Variants in HDAC9 observed in about 807,000 individuals in gnomAD.
HDAC9 encodes the protein MEF-2 interacting transcription repressor (MITR) protein.
A neutral mutation model predicts 139.4 loss-of-function variants in HDAC9; 41 were observed. That is an observed-to-expected ratio of 0.29 (90% CI 0.23 to 0.38). HDAC9 has a LOEUF of 0.38. Ranked by LOEUF, HDAC9 falls within the 10% of genes least tolerant of loss-of-function variation. HDAC9 has a pLI of 1.00. For synonymous variants in HDAC9, 517 were observed against 476.2 expected, an observed-to-expected ratio of 1.09 and a Z score of -1.12; for missense variants, 1,147 against 1,297.0, an observed-to-expected ratio of 0.88 and a Z score of 1.78.
At position 18,843,418 on chromosome 7, in the gene HDAC9, C is replaced by A. The variant is rs193065137; in HGVS notation, c.2684+7421C>A. Among the ~76,000 whole-genome samples, 417 of 152,028 alleles carry A rather than the reference C, an allele frequency of 2.7e-3. 3 individuals carry two copies. Among genetic ancestry groups the A allele is most frequent in the African/African-American group, 9.7e-3 (401 of 41,490 alleles). ...TACGTCAATTCATTGACTTAAATAA[C>A]CTAATCTAGTAATAGTGGAATTGTC... On this transcript the variant is annotated intron_variant, in intron 21 of 25. Transcript: ENST00000686413.
chr7:18,656,628 A>AT (rs1562781276), intron 11 of HDAC9, among the ~76,000 whole-genome samples: 1 of 152,156 alleles, frequency 6.6e-6, no homozygotes, highest in Non-Finnish European at 1.5e-5. Context: ...TACAGTGAGG[A>AT]TTACATGAGA....
intron 1 of HDAC9, among the ~76,000 whole-genome samples, chr7:18,393,867 G>A (rs1417390668): frequency 2.6e-5 from 4 of 152,170 alleles, no homozygotes; most frequent in South Asian, 2.1e-4. Context: ...AGCCACGCAC[G>A]GAACAATGGG....
chr7:18,567,329 A>G (rs1822695315), intron 2 of HDAC9, among the ~76,000 whole-genome samples: 1 of 152,308 alleles, frequency 6.6e-6, no homozygotes, highest in South Asian at 2.1e-4. Context: ...CCCCTATACA[A>G]GAGCATTTAC....
intron 2 of HDAC9, among the ~76,000 whole-genome samples, chr7:18,205,243 C>G (rs1213049411): frequency 6.6e-6 from 1 of 151,734 alleles, no homozygotes; most frequent in Non-Finnish European, 1.5e-5. Context: ...AGATATTTTA[C>G]TGGGCTTTAT....
chr7:18,133,363 T>G (rs1004761026), intron 1 of HDAC9, among the ~76,000 whole-genome samples: 3 of 152,178 alleles, frequency 2.0e-5, no homozygotes, highest in African/African-American at 7.2e-5. Flanking sequence ...ACTGAGCATT[T>G]AGTTAAGCAG....
chr7:18,435,889 G>GTA (rs925946870), intron 1 of HDAC9, among the ~76,000 whole-genome samples: 16 of 148,322 alleles, frequency 1.1e-4, no homozygotes, highest in Admixed American at 2.7e-4. Flanking sequence ...ATATATATGT[G>GTA]TATATATATA....
chr7:18,335,159 C>T (rs779400805), intron 1 of HDAC9, among the ~76,000 whole-genome samples: 1 of 151,378 alleles, frequency 6.6e-6, no homozygotes, highest in African/African-American at 2.4e-5. Flanking sequence ...CACCTGCCCA[C>T]CATCTTTCAG....
chr7:18,452,098 G>A (rs1344348423), intron 1 of HDAC9, among the ~76,000 whole-genome samples: 1 of 152,140 alleles, frequency 6.6e-6, no homozygotes, highest in Non-Finnish European at 1.5e-5. Context: ...GCAGCCTTGA[G>A]ATGCTAGCCA....
intron 24 of HDAC9, among the ~76,000 whole-genome samples, chr7:18,968,717 T>C (rs1368925862): frequency 6.6e-6 from 1 of 152,036 alleles, no homozygotes; most frequent in African/African-American, 2.4e-5. Context: ...CCCAGCACTT[T>C]GGGAGGCCGA....
At chr7:18,778,319 A>C (rs1300448209) in intron 16 of HDAC9, among the ~76,000 whole-genome samples, 1 of 151,998 alleles carries the variant, frequency 6.6e-6, no homozygotes, top group Non-Finnish European at 1.5e-5. Flanking sequence ...ACAGCTATAC[A>C]TAGTATTTCA....
At chr7:18,160,792 A>G (rs1244913333) in intron 1 of HDAC9, among the ~76,000 whole-genome samples, 1 of 151,886 alleles carries the variant, frequency 6.6e-6, no homozygotes, top group Non-Finnish European at 1.5e-5. Context: ...AATTTTTTGT[A>G]TTTTTAGTAG....
chr7:18,391,689 C>T (rs995384641), intron 1 of HDAC9, among the ~76,000 whole-genome samples: 1 of 152,180 alleles, frequency 6.6e-6, no homozygotes, highest in African/African-American at 2.4e-5. Flanking sequence ...ACTTTTTCAT[C>T]TTTATCACCT....
At chr7:18,207,248 A>G (rs1280453403) in intron 2 of HDAC9, among the ~76,000 whole-genome samples, 2 of 151,980 alleles carry the variant, frequency 1.3e-5, no homozygotes, top group Admixed American at 1.3e-4. Context: ...CCTGATTTGA[A>G]ATATCTTATA....
chr7:18,813,342 G>A (rs556195464), intron 17 of HDAC9, among the ~76,000 whole-genome samples: 12 of 152,170 alleles, frequency 7.9e-5, no homozygotes, highest in South Asian at 4.2e-4. Flanking sequence ...CTTCTCTGGG[G>A]CTTCTTTGGT....
chr7:18,836,877 A>G (rs1369548634), intron 21 of HDAC9, among the ~76,000 whole-genome samples: 2 of 152,020 alleles, frequency 1.3e-5, no homozygotes, highest in East Asian at 1.9e-4. Flanking sequence ...AAGCAAAACA[A>G]CCACATGAAA....
chr7:18,347,049 T>G (rs1782470777), intron 1 of HDAC9, among the ~76,000 whole-genome samples: 1 of 152,192 alleles, frequency 6.6e-6, no homozygotes, highest in African/African-American at 2.4e-5. Context: ...TTTTAAAAGT[T>G]GTTCATATTT....
At chr7:18,696,023 A>AATCTGTAAT (rs1483830617) in intron 12 of HDAC9, among the ~76,000 whole-genome samples, 18 of 152,226 alleles carry the variant, frequency 1.2e-4, no homozygotes, top group African/African-American at 4.3e-4. Flanking sequence ...TGAAAGTTGA[A>AATCTGTAAT]ATCTGTAATA....
chr7:18,916,914 A>G (rs1381675883), intron 22 of HDAC9, among the ~76,000 whole-genome samples: 1 of 151,994 alleles, frequency 6.6e-6, no homozygotes, highest in Non-Finnish European at 1.5e-5. Flanking sequence ...CAGTCTGCAC[A>G]TCTGGCCTGC....
At chr7:18,090,170 A>G (rs77762213) in intron 1 of HDAC9, among the ~76,000 whole-genome samples, 6,520 of 152,264 alleles carry the variant, frequency 0.043, 324 homozygotes, top group South Asian at 0.12. Context: ...GTACACTGAT[A>G]TACCCAACGT....
Sources: gnomAD v4.1 joint callset for allele counts (sites outside exome capture counted in the v4.1 genomes callset) on GRCh38, gnomAD v4.1.1 for gene constraint, MANE v1.5 for transcripts, NCBI Gene and HGNC (gene_info 2026-07-23, HGNC 2026-07-21) for gene names.